The following WDR75 variants were observed in gnomAD, a reference collection of about 807,000 sequenced individuals.
WDR75 encodes WD repeat domain 75.
In WDR75, 52 loss-of-function variants were observed where a neutral mutation model predicts 106.1. That is an observed-to-expected ratio of 0.49 (90% CI 0.39 to 0.62). WDR75 has a LOEUF of 0.62. WDR75 is among the 20% of genes least tolerant of loss of function. The pLI is 0.00. For synonymous variants in WDR75, 333 were observed against 335.5 expected, an observed-to-expected ratio of 0.99 and a Z score of 0.08; for missense variants, 905 against 970.3, an observed-to-expected ratio of 0.93 and a Z score of 0.89.
chr2:189,469,603 A>G (rs1028238172), intron 16 of WDR75, among the ~76,000 whole-genome samples, 164 bp downstream of exon 16: 1 of 152,162 alleles, frequency 6.6e-6, no homozygotes, highest in Admixed American at 6.6e-5. Context: ...GTGTGCGTCC[A>G]TACTTAGTTC....
At chr2:189,459,272 G>A in intron 7 of WDR75, 64 bp from the exon 8 acceptor site, 1 of 1,165,054 alleles carries the variant, frequency 8.6e-7, no homozygotes, top group Non-Finnish European at 1.3e-6. Context: ...ATTGTATTTG[G>A]CATGCCATTG....
chr2:189,462,411 G>A (rs1329086182), intron 8 of WDR75, 73 bp from the exon 9 acceptor site: 3 of 1,542,664 alleles, frequency 1.9e-6, no homozygotes, highest in Non-Finnish European at 2.6e-6. Context: ...AAAAACAAAA[G>A]TGTTAATTAT....
At chr2:189,469,887 C>T (rs1687082514) in intron 16 of WDR75, among the ~76,000 whole-genome samples, 189 bp from the exon 17 acceptor site, 1 of 152,146 alleles carries the variant, frequency 6.6e-6, no homozygotes, top group African/African-American at 2.4e-5. Context: ...CCTCATAGCC[C>T]TCATTCCTAA....
At position 189,464,194 on chromosome 2, in the gene WDR75, GTT is replaced by G. The variant is rs1686955816; in HGVS notation, c.1113+235_1113+236del. ...CCTGTACGTGCTGTCTCTGTCTTTT[GTT>G]TCAGAATGCCCTCCTATTAGCTATC... On this transcript the variant is annotated intron_variant, in intron 11 of 20. Transcript: ENST00000314761. The G allele has an allele frequency of 6.1e-6, 3 of 490,964 alleles. No individual in the cohort carries two copies. The East Asian group carries it at 1.0e-4, about 17-fold the overall frequency. 30.4% of individuals were successfully genotyped at this position (490,964 alleles called of 1,614,324 possible). A position where few individuals can be genotyped will look rare whatever the true frequency, so the allele number is the denominator to read the frequency against.
intron 2 of WDR75, chr2:189,449,396 C>A: frequency 7.8e-7 from 1 of 1,275,370 alleles, no homozygotes. Context: ...CTACGGGATC[C>A]AAGTACATAT....
chr2:189,441,720 C>T, intron 1 of WDR75, 142 bp downstream of exon 1: 1 of 920,892 alleles, frequency 1.1e-6, no homozygotes, highest in Non-Finnish European at 1.7e-6. Flanking sequence ...TGTGGGGGAT[C>T]CCCAGGGTAC....
At chr2:189,468,372 TA>T in intron 14 of WDR75, 102 bp from the exon 15 acceptor site, 2 of 1,000,108 alleles carry the variant, frequency 2.0e-6, no homozygotes, top group Non-Finnish European at 1.5e-6. Context: ...TATGTCTATA[TA>T]AAAATCTGCA....
At chr2:189,452,071 T>C (rs1365965585) in intron 4 of WDR75, 176 bp downstream of exon 4, 3 of 548,748 alleles carry the variant, frequency 5.5e-6, no homozygotes, top group Admixed American at 3.4e-5. Flanking sequence ...TTCTGAAATA[T>C]GCAGTGAGGG....
At position 189,462,585 on chromosome 2, in the gene WDR75, G is replaced by T; in HGVS notation, c.880G>T (p.Glu294Ter). Residue 294 changes from glutamate (E) to a stop codon, truncating the protein, a stop_gained, in exon 9 of 21, where the codon GAA becomes TAA. Coordinates refer to ENST00000314761, the MANE Select transcript of WDR75 (RefSeq NM_032168.3). LOFTEE classifies it high-confidence loss of function. ...EFLPRLGATI[E>*]HISVSPAGDL... ...TCTCCCGCGTTTAGGAGCTACTATT[G>T]AACATATCTCAGTCTCGCCTGCAGG... The T allele has an allele frequency of 6.2e-7, 1 of 1,613,976 alleles. No homozygotes were observed. Among genetic ancestry groups the T allele is most frequent in the Non-Finnish European group, 8.5e-7 (1 of 1,179,964 alleles).
At chr2:189,468,897 T>C (rs1474404297) in intron 15 of WDR75, among the ~76,000 whole-genome samples, 1 of 152,196 alleles carries the variant, frequency 6.6e-6, no homozygotes, top group Non-Finnish European at 1.5e-5. Flanking sequence ...TACTTACTAA[T>C]CTACATTATC....
rs747747776 is a variant in WDR75, at chr2:189,475,334, A to T, written c.2410A>T (p.Ile804Phe). ...DTSNTGLGED[I>F]IHQLSKSEEK... ...AAGTAACACAGGTTTAGGAGAAGAC[A>T]TTATACATCAGTTGTCAAAATCTGA... Residue 804 changes from isoleucine (I) to phenylalanine (F), a missense_variant, in exon 21 of 21, where the codon ATT (isoleucine) becomes TTT (phenylalanine). Physicochemically the swap from Ile to Phe is conservative, Grantham distance 21. Transcript: ENST00000314761. 1 of 1,612,762 alleles carries T rather than the reference A, an allele frequency of 6.2e-7. No individual in the cohort carries two copies. Among genetic ancestry groups the T allele is most frequent in the Non-Finnish European group, 8.5e-7 (1 of 1,179,232 alleles).
chr2:189,474,434 T>G, intron 19 of WDR75, 102 bp downstream of exon 19: 1 of 1,325,702 alleles, frequency 7.5e-7, no homozygotes. Context: ...GCTGTACAAC[T>G]TTAATACCCA....
intron 18 of WDR75, among the ~76,000 whole-genome samples, chr2:189,471,757 C>T (rs1687124168): frequency 6.6e-6 from 1 of 152,150 alleles, no homozygotes; most frequent in East Asian, 1.9e-4. Flanking sequence ...TTTGTTTGAC[C>T]TCTACTCTAT....
intron 20 of WDR75, among the ~76,000 whole-genome samples, 166 bp downstream of exon 20, chr2:189,474,974 A>T (rs1183548212): frequency 3.3e-5 from 5 of 152,234 alleles, no homozygotes; most frequent in Non-Finnish European, 5.9e-5. Context: ...ATACATTGAA[A>T]ATAAGTTTCA....
intron 2 of WDR75, 82 bp downstream of exon 2, chr2:189,448,590 C>T: frequency 6.5e-7 from 1 of 1,534,658 alleles, no homozygotes; most frequent in East Asian, 2.3e-5. Flanking sequence ...GACTGAGAAA[C>T]TTTCCAGGTT....
chr2:189,470,704 A>T lies in WDR75; in HGVS notation c.1990-115A>T, dbSNP rs187273199. ...ATCTTTTATTCCTTTTCTGTTGTCAAATATATATATCAAAGTGAAAAATTT... is the reference window on the plus strand; with the variant it reads ...ATCTTTTATTCCTTTTCTGTTGTCATATATATATATCAAAGTGAAAAATTT... On this transcript the variant is annotated intron_variant, in intron 17 of 20. Transcript: ENST00000314761. 1.6e-5 allele frequency: 9 copies of T among 576,934 alleles called. No individual in the cohort carries two copies. The East Asian group carries it at 3.0e-4, about 19-fold the overall frequency. The allele number at this position is 576,934 out of a possible 1,614,324, so 35.7% of individuals were successfully genotyped here. A position where few individuals can be genotyped will look rare whatever the true frequency, so the allele number is the denominator to read the frequency against.
At chr2:189,458,550 G>T (rs1475571631) in intron 6 of WDR75, among the ~76,000 whole-genome samples, 2 of 152,048 alleles carry the variant, frequency 1.3e-5, no homozygotes, top group Non-Finnish European at 2.9e-5. Context: ...AGTTCATGTT[G>T]TATATTGATA....
intron 14 of WDR75, 103 bp from the exon 15 acceptor site, chr2:189,468,372 T>G: frequency 1.0e-6 from 1 of 1,000,110 alleles, no homozygotes; most frequent in Non-Finnish European, 1.5e-6. Context: ...TATGTCTATA[T>G]AAAAATCTGC....
chr2:189,447,961 G>A (rs1310986247), intron 1 of WDR75, among the ~76,000 whole-genome samples: 1 of 152,118 alleles, frequency 6.6e-6, no homozygotes, highest in Non-Finnish European at 1.5e-5. Flanking sequence ...CTGAATCATG[G>A]GGGCAGTTTC....
Sources: allele counts gnomAD v4.1 joint callset (sites outside exome capture counted in the v4.1 genomes callset), GRCh38; gene constraint gnomAD v4.1.1; transcripts MANE v1.5; gene names NCBI Gene and HGNC (gene_info 2026-07-23, HGNC 2026-07-21).